Variants in SCUBE1 observed in about 807,000 individuals in gnomAD.
SCUBE1 encodes signal peptide, CUB domain and EGF like domain containing 1.
In SCUBE1, 59 loss-of-function variants were observed where a neutral mutation model predicts 124.4. The ratio of observed to expected loss-of-function variants is 0.47; its 90% confidence interval spans 0.38 to 0.59. The LOEUF is 0.59. Ranked by LOEUF, SCUBE1 falls within the 20% of genes least tolerant of loss-of-function variation. SCUBE1 has a pLI of 0.00. For synonymous variants in SCUBE1, 545 were observed against 550.9 expected (o/e 0.99, Z 0.15); for missense variants, 1,150 against 1,371.2 (o/e 0.84, Z 2.55).
intron 3 of SCUBE1, among the ~76,000 whole-genome samples, chr22:43,302,142 G>A (rs1443546966): frequency 2.6e-5 from 4 of 152,216 alleles, no homozygotes; most frequent in African/African-American, 4.8e-5. Context: ...AGCCTTGCCC[G>A]AGAGTGGGGA....
At chr22:43,207,438 C>T in intron 21 of SCUBE1, 96 bp downstream of exon 21, 1 of 948,526 alleles carries the variant, frequency 1.1e-6, no homozygotes, top group Non-Finnish European at 1.7e-6. Context: ...CCCTCCCTTG[C>T]TCCTCCAGGG....
At chr22:43,317,407 G>A (rs984654227) in intron 3 of SCUBE1, among the ~76,000 whole-genome samples, 16 of 152,132 alleles carry the variant, frequency 1.1e-4, no homozygotes, top group African/African-American at 3.1e-4. Flanking sequence ...AACAGTTCTC[G>A]GCTGCTGAGA....
At chr22:43,263,465 C>T (rs2146713319) in intron 4 of SCUBE1, among the ~76,000 whole-genome samples, 1 of 152,350 alleles carries the variant, frequency 6.6e-6, no homozygotes, top group Admixed American at 6.5e-5. Context: ...TGTGACCTGC[C>T]TTCCACCTCC....
intron 6 of SCUBE1, among the ~76,000 whole-genome samples, chr22:43,247,785 GC>G (rs956643890): frequency 3.3e-5 from 5 of 152,260 alleles, no homozygotes; most frequent in African/African-American, 4.8e-5. Context: ...GCCCGGTCGG[GC>G]CTGTTTTTAC....
intron 3 of SCUBE1, among the ~76,000 whole-genome samples, chr22:43,310,692 A>T (rs1293757213): frequency 6.6e-6 from 1 of 152,256 alleles, no homozygotes; most frequent in Non-Finnish European, 1.5e-5. Flanking sequence ...TTTTTTAAAA[A>T]TTTAATTTTA....
At chr22:43,298,920 C>T (rs979907041) in intron 3 of SCUBE1, among the ~76,000 whole-genome samples, 2 of 151,998 alleles carry the variant, frequency 1.3e-5, no homozygotes, top group African/African-American at 2.4e-5. Flanking sequence ...GGCATGGTGG[C>T]GGGTGCCTGT....
At chr22:43,311,647 G>A (rs1016660921) in intron 3 of SCUBE1, among the ~76,000 whole-genome samples, 8 of 151,324 alleles carry the variant, frequency 5.3e-5, no homozygotes, top group South Asian at 2.1e-4. Context: ...GGCTGGTCTC[G>A]AACTCCTGAC....
intron 3 of SCUBE1, among the ~76,000 whole-genome samples, chr22:43,318,525 G>T (rs1483675825): frequency 2.0e-5 from 3 of 152,096 alleles, no homozygotes; most frequent in Non-Finnish European, 2.9e-5. Context: ...AAACCAAAAT[G>T]CCTGAGGTAC....
intron 3 of SCUBE1, among the ~76,000 whole-genome samples, chr22:43,311,616 G>T (rs569707474): frequency 6.6e-6 from 1 of 150,552 alleles, no homozygotes; most frequent in East Asian, 1.9e-4. Context: ...TAGTAGAAAC[G>T]GTGTTTCACC....
intron 14 of SCUBE1, among the ~76,000 whole-genome samples, chr22:43,219,623 G>GCA (rs1569498605): frequency 8.6e-5 from 13 of 151,836 alleles, no homozygotes; most frequent in African/African-American, 2.7e-4. Context: ...ACAGGTGCCT[G>GCA]CCACCACACC....
At position 43,255,910 on chromosome 22, in the gene SCUBE1, G is replaced by C. The variant is rs1292252096; in HGVS notation, c.727+2309C>G. 1.3e-5 allele frequency among the ~76,000 whole-genome samples: 2 copies of C among 152,176 alleles called. No individual in the cohort carries two copies. Among genetic ancestry groups the C allele is most frequent in the African/African-American group, 4.8e-5 (2 of 41,436 alleles). ...AGGGCAGACGGGATTCGTCCGCAGAGAGCCACAGAAGCAGAAAGCACCACC... is the reference window on the plus strand; with the variant it reads ...AGGGCAGACGGGATTCGTCCGCAGACAGCCACAGAAGCAGAAAGCACCACC... On this transcript the variant is annotated intron_variant, in intron 6 of 21. Transcript: ENST00000360835. This position sits in a 1 kb window ranked among gnomAD's most constrained non-coding sequence, Gnocchi z 4.7.
chr22:43,318,773 G>A (rs747211970), intron 3 of SCUBE1, among the ~76,000 whole-genome samples: 35 of 152,104 alleles, frequency 2.3e-4, no homozygotes, highest in Admixed American at 1.4e-3. Context: ...CTTGTCGCCC[G>A]GGCTGGAGTG....
At chr22:43,341,598 A>G (rs1014429840) in intron 1 of SCUBE1, among the ~76,000 whole-genome samples, 2 of 152,176 alleles carry the variant, frequency 1.3e-5, no homozygotes, top group African/African-American at 4.8e-5. Flanking sequence ...CTATCTCCCA[A>G]CACACCTTTA....
At chr22:43,289,705 T>A (rs1925283346) in intron 4 of SCUBE1, among the ~76,000 whole-genome samples, 1 of 152,184 alleles carries the variant, frequency 6.6e-6, no homozygotes, top group Non-Finnish European at 1.5e-5. Flanking sequence ...CTGCTCCATC[T>A]CTGAACGCCC....
intron 7 of SCUBE1, chr22:43,237,748 C>A (rs1922826394): frequency 6.6e-6 from 1 of 152,218 alleles, no homozygotes; most frequent in African/African-American, 2.4e-5. Context: ...TTTTAAGTCA[C>A]CCTAACCTCC....
Position 43,310,150 on chromosome 22 carries a change from C to T in SCUBE1, c.349+9787G>A, listed in dbSNP as rs565081333. 2.0e-5 allele frequency among the ~76,000 whole-genome samples: 3 copies of T among 152,260 alleles called. No individual in the cohort carries two copies. In the South Asian group the frequency reaches 6.2e-4, roughly 32 times the overall value. On this transcript the variant is annotated intron_variant, in intron 3 of 21. Transcript: ENST00000360835. ...CCCGCCTCGTTGCCTCATCTCCAGT[C>T]TGTGTCCCTCGCTCCTGATCCTCCA...
intron 4 of SCUBE1, among the ~76,000 whole-genome samples, chr22:43,265,047 G>A (rs1185510319): frequency 6.6e-6 from 1 of 152,238 alleles, no homozygotes; most frequent in Non-Finnish European, 1.5e-5. Flanking sequence ...TATAGATGAT[G>A]AAGAAAGGGA....
In SCUBE1 at chr22:43,218,240, T is replaced by C. The variant is rs746555989; in HGVS notation, c.1891+15A>G. On this transcript the variant is annotated intron_variant, in intron 15 of 21. Transcript: ENST00000360835. Reference sequence around the variant, plus strand: ...GACAGAGTCAGCATCTGAGTGGCCATGGGCAAGGACTCACCGCATTTGCTG... The same window carrying C: ...GACAGAGTCAGCATCTGAGTGGCCACGGGCAAGGACTCACCGCATTTGCTG... 5 of 1,611,786 alleles carry C rather than the reference T, an allele frequency of 3.1e-6. No homozygotes were observed. Among genetic ancestry groups the C allele is most frequent in the Non-Finnish European group, 4.2e-6 (5 of 1,179,298 alleles).
rs1049611796 is a variant in SCUBE1, at chr22:43,265,987, G to A, written c.485-3142C>T. Among the ~76,000 whole-genome samples the A allele has an allele frequency of 2.6e-5, 4 of 152,152 alleles. No individual in the cohort carries two copies. In the South Asian group the frequency reaches 8.3e-4, roughly 32 times the overall value. On this transcript the variant is annotated intron_variant, in intron 4 of 21. Coordinates refer to ENST00000360835, the MANE Select transcript of SCUBE1 (RefSeq NM_173050.5). ...GTAGTGGTGCAAGCCTGTAATCCCA[G>A]TTACTTGGGAGGCTGAGGCAGAAGA...
Sources: gnomAD v4.1 joint callset for allele counts (sites outside exome capture counted in the v4.1 genomes callset) on GRCh38, gnomAD v4.1.1 for gene constraint, Gnocchi (gnomAD v3.1) non-coding constraint, MANE v1.5 for transcripts, NCBI Gene and HGNC (gene_info 2026-07-23, HGNC 2026-07-21) for gene names.